ANO1: variants seen among roughly 807,000 people sequenced by gnomAD.
ANO1 encodes the protein anoctamin 1, also known as anoctamin-1.
A neutral mutation model predicts 124.0 loss-of-function variants in ANO1; 59 were observed. The ratio of observed to expected loss-of-function variants is 0.48; its 90% CI spans 0.39 to 0.59. The LOEUF is 0.59. Ranked by LOEUF, ANO1 falls within the 20% of genes least tolerant of loss-of-function variation. The pLI, the probability that ANO1 is intolerant of heterozygous loss-of-function variation, is 0.00. For missense variants in ANO1, 1,059 were observed against 1,328.0 expected (o/e 0.80, Z 3.15); for synonymous variants, 529 against 532.0 (o/e 0.99, Z 0.08).
intron 7 of ANO1, among the ~76,000 whole-genome samples, chr11:70,114,935 C>G (rs542274735): frequency 8.5e-5 from 13 of 152,290 alleles, no homozygotes; most frequent in Admixed American, 7.2e-4. Context: ...ACTGAAAGGA[C>G]TTTGATATTT....
At chr11:70,095,329 G>GA (rs1237537391) in intron 2 of ANO1, among the ~76,000 whole-genome samples, 3 of 107,458 alleles carry the variant, frequency 2.8e-5, no homozygotes, top group Non-Finnish European at 3.9e-5. Flanking sequence ...AGGAAAGAAA[G>GA]AAAGGAAAGA....
chr11:70,041,025 A>G (rs782304113), intron 1 of ANO1, among the ~76,000 whole-genome samples: 1 of 152,148 alleles, frequency 6.6e-6, no homozygotes, highest in Non-Finnish European at 1.5e-5. Context: ...TCAGGCACTG[A>G]TTAAGGTTTA....
In ANO1 at chr11:70,105,812, A is replaced by G. The variant is rs780847127; in HGVS notation, c.747+24A>G. On this transcript the variant is annotated intron_variant, in intron 5 of 25. Coordinates refer to ENST00000355303, the MANE Select transcript of ANO1 (RefSeq NM_018043.7). The stretch of plus-strand genomic sequence containing the variant: ...TTGTAAGTATCGCACGCGCCTGGAA[A>G]CGGCTCACTGGCAAGATGGCCCTGG... The G allele has an allele frequency of 5.0e-6, 8 of 1,610,894 alleles. No individual in the cohort carries two copies. In the African/African-American group the frequency reaches 9.4e-5, roughly 19 times the overall value.
At chr11:69,983,578 C>T (rs1010216076), upstream of ANO1, among the ~76,000 whole-genome samples, 1 of 151,884 alleles carries the variant, frequency 6.6e-6, no homozygotes, top group Non-Finnish European at 1.5e-5. Context: ...CAGGGTGCTC[C>T]GGGTGCTCCT....
chr11:69,982,551 T>G (rs148443948), upstream of ANO1, among the ~76,000 whole-genome samples: 5 of 152,338 alleles, frequency 3.3e-5, no homozygotes, highest in East Asian at 9.7e-4. Flanking sequence ...CCCTACAGCA[T>G]GTCAGGTTTT....
At chr11:70,156,475 C>T (rs552821686) in intron 15 of ANO1, among the ~76,000 whole-genome samples, 6 of 152,142 alleles carry the variant, frequency 3.9e-5, no homozygotes, top group Admixed American at 1.3e-4. Flanking sequence ...TCACCGCAGA[C>T]GACGTTTTAA....
At chr11:69,999,530 G>T (rs570774312) in intron 1 of ANO1, among the ~76,000 whole-genome samples, 1 of 152,160 alleles carries the variant, frequency 6.6e-6, no homozygotes, top group Admixed American at 6.5e-5. Flanking sequence ...ATTTGCCAGA[G>T]TGCTTTGCTA....
chr11:70,166,542 A>G lies in ANO1; in HGVS notation c.2052-700A>G, dbSNP rs576920745. Reference sequence around the variant, plus strand: ...TGTACCCTTCGGAAATCCATGTCCCATTCCCACCTCCCCAGTGGCTGCTGG... The same window carrying G: ...TGTACCCTTCGGAAATCCATGTCCCGTTCCCACCTCCCCAGTGGCTGCTGG... On this transcript the variant is annotated intron_variant, in intron 20 of 25. Transcript: ENST00000355303. 2.6e-5 allele frequency among the ~76,000 whole-genome samples: 4 copies of G among 152,216 alleles called. No individual in the cohort carries two copies. In the East Asian group the frequency reaches 7.7e-4, roughly 29 times the overall value.
Position 70,010,179 on chromosome 11 carries a change from G to GTATGTGTGTATATATATA in ANO1, c.58+24016_58+24017insGTGTGTATATATATATAT, listed in dbSNP as rs1188271051. 9.5e-5 allele frequency among the ~76,000 whole-genome samples: 8 copies of GTATGTGTGTATATATATA among 83,814 alleles called. 1 individual carries two copies. Among genetic ancestry groups the GTATGTGTGTATATATATA allele is most frequent in the African/African-American group, 3.3e-4 (7 of 21,336 alleles). The allele number at this position is 83,814 out of a possible 152,430, so 55.0% of individuals were successfully genotyped here. The stretch of plus-strand genomic sequence containing the variant: ...TGTGTGTGTGTGCGCGTGTGTGTGT[G>GTATGTGTGTATATATATA]TATATATATATATATATATCACATT... On this transcript the variant is annotated intron_variant, in intron 1 of 27. Transcript: ENST00000531349.
At chr11:70,089,809 C>T (rs1455779970) in intron 2 of ANO1, among the ~76,000 whole-genome samples, 1 of 152,196 alleles carries the variant, frequency 6.6e-6, no homozygotes, top group Non-Finnish European at 1.5e-5. Context: ...GCCCTCCAGC[C>T]CTGTGGCTTT....
intron 1 of ANO1, among the ~76,000 whole-genome samples, chr11:70,050,334 G>GGAA (rs1555006168): frequency 2.0e-5 from 3 of 152,100 alleles, no homozygotes; most frequent in African/African-American, 7.2e-5. Flanking sequence ...AGGATTGGAG[G>GGAA]GCCAGGTCCT....
intron 24 of ANO1, among the ~76,000 whole-genome samples, chr11:70,185,087 G>A (rs934654024): frequency 1.3e-5 from 2 of 152,164 alleles, no homozygotes; most frequent in African/African-American, 4.8e-5. Context: ...GGACTGGAGG[G>A]GTGTTTCATG....
chr11:70,095,413 A>G (rs2044893912), intron 2 of ANO1, among the ~76,000 whole-genome samples: 1 of 68,958 alleles, frequency 1.5e-5, no homozygotes, highest in African/African-American at 4.3e-5. Flanking sequence ...AAAGAAAGAA[A>G]GAAAGAAAGA....
chr11:70,115,232 G>A (rs2045931717), intron 7 of ANO1, among the ~76,000 whole-genome samples: 1 of 152,196 alleles, frequency 6.6e-6, no homozygotes, highest in South Asian at 2.1e-4. Flanking sequence ...GGGGTTAGAA[G>A]GGGTCATGGA....
intron 2 of ANO1, among the ~76,000 whole-genome samples, chr11:70,091,602 G>A (rs2044627998): frequency 6.6e-6 from 1 of 152,216 alleles, no homozygotes; most frequent in Non-Finnish European, 1.5e-5. Flanking sequence ...TGGAGGGAGA[G>A]AAAGGGGGAC....
intron 5 of ANO1, among the ~76,000 whole-genome samples, chr11:70,106,623 C>T (rs2077525): frequency 0.33 from 50,853 of 152,098 alleles, 10,263 homozygotes; most frequent in East Asian, 0.57. Context: ...ATCTCTCTCC[C>T]AGAGACCCTG....
At position 70,155,893 on chromosome 11, in the gene ANO1, T is replaced by TG; in HGVS notation, c.1426-18_1426-17insG. 1 of 1,539,032 alleles carries TG rather than the reference T, an allele frequency of 6.5e-7. No homozygotes were observed. The highest frequency in any genetic ancestry group is 8.8e-7 in the Non-Finnish European group (1 of 1,141,974). The stretch of plus-strand genomic sequence containing the variant: ...CCACTTCACCGCACGGTGCTCTCTT[T>TG]CCCCCACCCCCCCTCAGAAGCGCCG... On this transcript the variant is annotated splice_polypyrimidine_tract_variant and intron_variant, in intron 14 of 25. Transcript: ENST00000355303.
intron 13 of ANO1, among the ~76,000 whole-genome samples, chr11:70,152,720 G>A (rs2135651241): frequency 6.6e-6 from 1 of 152,332 alleles, no homozygotes; most frequent in South Asian, 2.1e-4. Context: ...CGTCTCTTCT[G>A]ACTCCCACAG....
rs568134208 is a variant in ANO1 at position 70,089,400 on chromosome 11, A to G, written c.441+1316A>G. 1.4e-3 allele frequency among the ~76,000 whole-genome samples: 218 copies of G among 152,280 alleles called. 1 individual carries two copies. Among genetic ancestry groups the G allele is most frequent in the African/African-American group, 4.9e-3 (202 of 41,554 alleles). On this transcript the variant is annotated intron_variant, in intron 2 of 25. Transcript: ENST00000355303. ...AAAGCAGGTTAATTAGGGAACCTGG[A>G]GTGGAAACGCCTCTGTTTTGTGACA...
Sources: allele counts gnomAD v4.1 joint callset (sites outside exome capture counted in the v4.1 genomes callset), GRCh38; gene constraint gnomAD v4.1.1; transcripts MANE v1.5; gene names NCBI Gene and HGNC (gene_info 2026-07-23, HGNC 2026-07-21).